Variants in SYNE1 observed in about 807,000 individuals in gnomAD.
SYNE1 encodes the protein nesprin-1.
A neutral mutation model predicts 1,111.0 loss-of-function variants in SYNE1; 616 were observed. That is an observed-to-expected ratio of 0.55 (90% CI 0.52 to 0.59). The LOEUF is 0.59. Among genes scored for constraint, SYNE1 ranks in the 20% least tolerant of loss-of-function variants. The pLI is 0.00. For synonymous variants in SYNE1, 3,855 were observed against 3,825.8 expected, an observed-to-expected ratio of 1.01 and a Z score of -0.28; for missense variants, 10,006 against 10,417.0, an observed-to-expected ratio of 0.96 and a Z score of 1.72.
intron 42 of SYNE1, among the ~76,000 whole-genome samples, 194 bp from the exon 43 acceptor site, chr6:152,409,903 G>C (rs768862542): frequency 6.6e-6 from 1 of 152,104 alleles, no homozygotes; most frequent in Non-Finnish European, 1.5e-5. Flanking sequence ...CGTGAATGAG[G>C]TATGCACGCA....
intron 56 of SYNE1, among the ~76,000 whole-genome samples, chr6:152,379,756 T>C (rs1463800972): frequency 1.3e-5 from 2 of 152,236 alleles, no homozygotes; most frequent in African/African-American, 2.4e-5. Flanking sequence ...TGAAAACCCA[T>C]ATTTACTACT....
chr6:152,122,101 A>G lies in SYNE1; in HGVS notation c.*335T>C, dbSNP rs2051520223. On this transcript the variant is annotated 3_prime_UTR_variant, in exon 146 of 146. Coordinates refer to ENST00000367255, the MANE Select transcript of SYNE1 (RefSeq NM_182961.4). ...CATGGGAAAGCTGCCCAGATGGTCT[A>G]CTGAAGTCCTTGGCTGTGCACAGAA... 3 of 379,944 alleles carry G rather than the reference A, an allele frequency of 7.9e-6. No individual in the cohort carries two copies. Among genetic ancestry groups the G allele is most frequent in the Non-Finnish European group, 1.5e-5 (3 of 198,566 alleles). The allele number at this position is 379,944 out of a possible 1,614,324, so 23.5% of individuals were successfully genotyped here. A position where few individuals can be genotyped will look rare whatever the true frequency, so the allele number is the denominator to read the frequency against.
chr6:152,456,986 T>C (rs907257919), intron 22 of SYNE1, among the ~76,000 whole-genome samples: 2 of 152,178 alleles, frequency 1.3e-5, no homozygotes, highest in Middle Eastern at 3.2e-3. Flanking sequence ...ATTATTAGAT[T>C]TTATTATTAA....
chr6:152,317,075 G>T (rs2095744602), intron 86 of SYNE1, 89 bp from the exon 87 acceptor site: 4 of 1,431,454 alleles, frequency 2.8e-6, no homozygotes, highest in Non-Finnish European at 3.9e-6. Flanking sequence ...GGACACAACA[G>T]TCTTAGGGGT....
chr6:152,317,367 C>T (rs1023882451), intron 86 of SYNE1, among the ~76,000 whole-genome samples: 4 of 151,824 alleles, frequency 2.6e-5, no homozygotes, highest in African/African-American at 7.3e-5. Flanking sequence ...ACCACAGGCA[C>T]GTGCCAACCA....
rs774488594 is a variant in SYNE1 at position 152,309,952 on chromosome 6, G to T, written c.17085C>A (p.Ala5695=). The T allele has an allele frequency of 1.9e-6, 3 of 1,613,996 alleles. No individual in the cohort carries two copies. Among genetic ancestry groups the T allele is most frequent in the African/African-American group, 1.3e-5 (1 of 74,936 alleles). The change falls in exon 90 of 146, where the codon GCC becomes GCA. Residue 5695 remains alanine, a synonymous_variant. Transcript: ENST00000367255. ...CAACCACATCCTCGGGGATCCGGAG[G>T]GCACTCTGGCAGAGCTGCACTGCTT... The part of the protein sequence containing the change: ...KVQAVQLCQS[A]LRIPEDVVAS...
intron 56 of SYNE1, among the ~76,000 whole-genome samples, chr6:152,378,927 G>A (rs951129801): frequency 6.6e-6 from 1 of 152,124 alleles, no homozygotes; most frequent in Non-Finnish European, 1.5e-5. Context: ...TGTCTGGGCT[G>A]GAGGAGTCTA....
intron 32 of SYNE1, among the ~76,000 whole-genome samples, chr6:152,437,646 A>T (rs181551842): frequency 5.3e-5 from 8 of 152,166 alleles, no homozygotes; most frequent in African/African-American, 1.9e-4. Context: ...TTTGTCAAGT[A>T]ATTATATTGA....
At chr6:152,187,117 C>A (rs113176191) in intron 128 of SYNE1, among the ~76,000 whole-genome samples, 1 of 152,126 alleles carries the variant, frequency 6.6e-6, no homozygotes, top group African/African-American at 2.4e-5. Flanking sequence ...GTGAAAGTAG[C>A]CAAATTCATT....
intron 130 of SYNE1, chr6:152,168,119 AC>A: frequency 2.6e-6 from 2 of 780,306 alleles, no homozygotes; most frequent in Non-Finnish European, 2.4e-6. Context: ...CTGCCTTGTG[AC>A]ATCGCAGTTA....
At chr6:152,443,134 A>T (rs1268808853) in intron 30 of SYNE1, among the ~76,000 whole-genome samples, 3 of 152,206 alleles carry the variant, frequency 2.0e-5, no homozygotes, top group Non-Finnish European at 4.4e-5. Context: ...TATAAAAAGT[A>T]CCTGGCCTAA....
chr6:152,485,590 T>C (rs2098934933), intron 12 of SYNE1, among the ~76,000 whole-genome samples: 1 of 152,234 alleles, frequency 6.6e-6, no homozygotes, highest in African/African-American at 2.4e-5. Flanking sequence ...CAATGTATTA[T>C]ATGTAGACTT....
chr6:152,459,018 T>C (rs2098714800), intron 21 of SYNE1, 88 bp from the exon 22 acceptor site: 7 of 1,112,284 alleles, frequency 6.3e-6, no homozygotes, highest in Admixed American at 3.7e-5. Context: ...GAACATTTTC[T>C]TTAGTGACAT....
At chr6:152,344,023 T>A in intron 74 of SYNE1, 58 bp downstream of exon 74, 2 of 1,611,532 alleles carry the variant, frequency 1.2e-6, no homozygotes, top group East Asian at 4.5e-5. Context: ...CTTCACACAT[T>A]TTCACTGACG....
In SYNE1 at chr6:152,241,854, T is replaced by C. The variant is rs147205474; in HGVS notation, c.19893+386A>G. ...GGGTAACTGGGACCAGGTGGACAAATGGGCAAAAAGGAAACACAGGGAAAA... is the reference window on the plus strand; with the variant it reads ...GGGTAACTGGGACCAGGTGGACAAACGGGCAAAAAGGAAACACAGGGAAAA... On this transcript the variant is annotated intron_variant, in intron 107 of 145. Transcript: ENST00000367255. Among the ~76,000 whole-genome samples, 34 of 152,042 alleles carry C rather than the reference T, an allele frequency of 2.2e-4. No homozygotes were observed. In the East Asian group the frequency reaches 3.1e-3, roughly 14 times the overall value.
At chr6:152,403,311 G>A (rs774393868) in intron 46 of SYNE1, among the ~76,000 whole-genome samples, 11 of 152,152 alleles carry the variant, frequency 7.2e-5, no homozygotes, top group South Asian at 6.2e-4. Flanking sequence ...CATGGTTCCC[G>A]TGGATTTGTG....
At chr6:152,182,490 C>T (rs1301301050) in intron 128 of SYNE1, among the ~76,000 whole-genome samples, 2 of 152,208 alleles carry the variant, frequency 1.3e-5, no homozygotes, top group African/African-American at 2.4e-5. Context: ...TCATTACATA[C>T]TCCCTGGGCT....
In SYNE1 at chr6:152,483,156, C is replaced by G. The variant is rs558251777; in HGVS notation, c.1279G>C (p.Glu427Gln). Residue 427 changes from glutamate (E) to glutamine (Q), a missense_variant, in exon 14 of 146, where the codon GAG becomes CAG. Glu to Gln is a conservative substitution (Grantham distance 29). This residue lies in a region of SYNE1 where 1,971 missense variants were observed against 2,084.1 expected (regional missense o/e 0.95). Transcript: ENST00000367255. ...WLYRAEVALR[E>Q]EITVQQVHEE... The stretch of plus-strand genomic sequence containing the variant: ...TGGACCTGTTGAACGGTTATTTCCT[C>G]TCTCAGGGCCACCTCCGCTCTGTAC... 1 of 1,614,240 alleles carries G rather than the reference C, an allele frequency of 6.2e-7. No homozygotes were observed. Among genetic ancestry groups the G allele is most frequent in the South Asian group, 1.1e-5 (1 of 91,092 alleles).
chr6:152,325,060 G>A, intron 81 of SYNE1, 24 bp downstream of exon 81: 1 of 1,611,474 alleles, frequency 6.2e-7, no homozygotes, highest in Non-Finnish European at 8.5e-7. Flanking sequence ...AAAGAAAGGT[G>A]AGCCCATGGA....
Sources: gnomAD v4.1 joint callset for allele counts (sites outside exome capture counted in the v4.1 genomes callset) on GRCh38, gnomAD v4.1.1 for gene constraint, gnomAD v4.1.1 regional missense constraint, MANE v1.5 for transcripts, NCBI Gene and HGNC (gene_info 2026-07-23, HGNC 2026-07-21) for gene names.